The following SP2 variants were observed in gnomAD, a reference collection of about 807,000 sequenced individuals.
SP2 encodes transcription factor Sp2.
Under a neutral mutation model 50.1 loss-of-function variants are expected in SP2, and 9 were observed. That is an observed-to-expected ratio of 0.18 (90% CI 0.11 to 0.31). SP2 has a LOEUF of 0.31. Among genes scored for constraint, SP2 ranks in the 10% least tolerant of loss-of-function variants. SP2 has a pLI of 1.00. For synonymous variants in SP2, 313 were observed against 326.6 expected (o/e 0.96, Z 0.45); for missense variants, 581 against 806.5 (o/e 0.72, Z 3.39).
At position 47,915,333 on chromosome 17, in the gene SP2, C is replaced by T. The variant is rs1210278551; in HGVS notation, c.29C>T (p.Ala10Val). Residue 10 changes from alanine to valine, a missense_variant, in exon 2 of 7, where the codon GCC becomes GTC. Physicochemically the swap from Ala to Val is moderately conservative, Grantham distance 64. Transcript: ENST00000376741. Reference protein sequence around the residue: MSDPQTSMAATAAVSPSDYL... With the variant: MSDPQTSMAVTAAVSPSDYL... The stretch of plus-strand genomic sequence containing the variant: ...ACAGATCCACAGACCAGCATGGCTG[C>T]CACTGCTGCTGTGAGTCCCAGTGAC... 4 of 1,612,382 alleles carry T rather than the reference C, an allele frequency of 2.5e-6. No homozygotes were observed. The highest frequency in any genetic ancestry group is 3.4e-6 in the Non-Finnish European group (4 of 1,179,064).
chr17:47,922,967 C>T lies in SP2; in HGVS notation c.1065C>T (p.Tyr355=). 6.2e-6 allele frequency: 10 copies of T among 1,610,844 alleles called. No individual in the cohort carries two copies. The highest frequency in any genetic ancestry group is 8.5e-6 in the Non-Finnish European group (10 of 1,177,364). Residue 355 remains tyrosine (Y), a synonymous_variant, in exon 4 of 7, where the codon TAC becomes TAT. Coordinates refer to ENST00000376741, the MANE Select transcript of SP2 (RefSeq NM_003110.6). ...QAAEPTPTQV[Y]IRTPSGEVQT... is the part of the protein sequence containing the mutation. The stretch of plus-strand genomic sequence containing the variant: ...TTTTCTCTGGCCCCTCCCAGGTCTA[C>T]ATCCGCACGCCTTCCGGTGAGGTGC...
At position 47,915,350 on chromosome 17, in the gene SP2, C is replaced by T. The variant is rs987915417; in HGVS notation, c.46C>T (p.Pro16Ser). Reference sequence around the variant, plus strand: ...CATGGCTGCCACTGCTGCTGTGAGTCCCAGTGACTACCTGCAGCCTGCCGC... The same window carrying T: ...CATGGCTGCCACTGCTGCTGTGAGTTCCAGTGACTACCTGCAGCCTGCCGC... ...TSMAATAAVS[P>S]SDYLQPAAST... The change falls in exon 2 of 7, where the codon CCC becomes TCC. Residue 16 changes from proline to serine, a missense_variant. By Grantham distance (74) the Pro-to-Ser change is moderately conservative. Around this residue, in one of 2 missense-constraint regions of SP2, gnomAD observed 397 missense variants for 491.0 expected, o/e 0.81. Coordinates refer to ENST00000376741, the MANE Select transcript of SP2 (RefSeq NM_003110.6). 78 of 1,613,278 alleles carry T rather than the reference C, an allele frequency of 4.8e-5. No individual in the cohort carries two copies. Among genetic ancestry groups the T allele is most frequent in the Non-Finnish European group, 6.5e-5 (77 of 1,179,614 alleles).
chr17:47,900,562 AG>A, intron 1 of SP2, among the ~76,000 whole-genome samples: 2 of 152,214 alleles, frequency 1.3e-5, no homozygotes, highest in African/African-American at 4.8e-5. Flanking sequence ...AGATCACTTA[AG>A]GTCAGGAGTT....
rs372732502 is a variant in SP2 at position 47,916,749 on chromosome 17, G to T, written c.678G>T (p.Gly226=). ...ACCTTGTGAACGCCAGTGACACCGG[G>T]GCCCCTACTCAGCTCCTCACTGAAA... is the stretch of plus-strand genomic sequence containing the variant. The part of the protein sequence containing the change: ...VNNLVNASDT[G]APTQLLTESP... Residue 226 remains glycine (G), a synonymous_variant, in exon 3 of 7, where the codon GGG becomes GGT. Transcript: ENST00000376741. The surrounding 1 kb of genome is among the most constrained non-coding windows in gnomAD (Gnocchi z 4.7). 1 of 1,613,120 alleles carries T rather than the reference G, an allele frequency of 6.2e-7. No homozygotes were observed. Among genetic ancestry groups the T allele is most frequent in the Non-Finnish European group, 8.5e-7 (1 of 1,179,378 alleles).
chr17:47,916,264 C>A lies in SP2; in HGVS notation c.193C>A (p.Arg65=). ...TPPAPPQPTP[R]KLVPIKPAPL... is the part of the protein sequence containing the mutation. ...TCCTGCTCCCCCACAGCCCACACCG[C>A]GGAAACTTGTCCCTATCAAACCTGC... Residue 65 remains arginine, a synonymous_variant, in exon 3 of 7, where the codon CGG becomes AGG. Transcript: ENST00000376741. This position sits in a 1 kb window ranked among gnomAD's most constrained non-coding sequence, Gnocchi z 4.7. 1 of 1,614,100 alleles carries A rather than the reference C, an allele frequency of 6.2e-7. No homozygotes were observed. Among genetic ancestry groups the A allele is most frequent in the Non-Finnish European group, 8.5e-7 (1 of 1,180,030 alleles).
At chr17:47,931,616 GGTTGCCCCTTAAA>G (rs2035820652), downstream of SP2, among the ~76,000 whole-genome samples, 1 of 152,178 alleles carries the variant, frequency 6.6e-6, no homozygotes, top group South Asian at 2.1e-4. Context: ...GCCCCTTTAA[GGTTGCCCCTTAAA>G]GTTGCCACAC....
Position 47,928,957 on chromosome 17 carries a change from A to G in SP2, c.*1133A>G, listed in dbSNP as rs2144118955. On this transcript the variant is annotated 3_prime_UTR_variant, in exon 7 of 7. Coordinates refer to ENST00000376741, the MANE Select transcript of SP2 (RefSeq NM_003110.6). ...TTAGTTGCCTGAGGCAAAATCTTCA[A>G]CTTGGCAGTTCGGCTTCCTTTGTCT... The G allele has an allele frequency of 6.5e-6, 1 of 152,772 alleles. No homozygotes were observed. The highest frequency in any genetic ancestry group is 1.5e-5 in the Non-Finnish European group (1 of 68,036). The allele number at this position is 152,772 out of a possible 1,614,324, so 9.5% of individuals were successfully genotyped here. A position where few individuals can be genotyped will look rare whatever the true frequency, so the allele number is the denominator to read the frequency against.
chr17:47,900,013 A>G (rs1402294327), intron 1 of SP2: 1 of 152,256 alleles, frequency 6.6e-6, no homozygotes, highest in East Asian at 1.9e-4. Context: ...ATTGCTTGCT[A>G]TACTTAGCCA....
intron 3 of SP2, among the ~76,000 whole-genome samples, chr17:47,922,220 C>G (rs1214222011): frequency 6.6e-6 from 1 of 152,176 alleles, no homozygotes; most frequent in Non-Finnish European, 1.5e-5. Flanking sequence ...ACACCCTCCT[C>G]AGCCTGCCAC....
chr17:47,901,182 T>C (rs1273703391), intron 1 of SP2, among the ~76,000 whole-genome samples: 4 of 151,054 alleles, frequency 2.6e-5, no homozygotes, highest in African/African-American at 9.8e-5. Context: ...GGAGTCTCGC[T>C]CTGTCACCAG....
intron 1 of SP2, among the ~76,000 whole-genome samples, chr17:47,906,566 CT>C (rs2034769794): frequency 2.0e-5 from 3 of 152,310 alleles, no homozygotes; most frequent in Non-Finnish European, 4.4e-5. Context: ...CATAATGGCT[CT>C]TAAATTATGC....
In SP2 at chr17:47,917,085, C is replaced by T. The variant is rs752125173; in HGVS notation, c.1014C>T (p.Pro338=). 4 of 1,613,232 alleles carry T rather than the reference C, an allele frequency of 2.5e-6. No homozygotes were observed. The highest frequency in any genetic ancestry group is 2.5e-6 in the Non-Finnish European group (3 of 1,179,756). Residue 338 remains proline (P), a synonymous_variant, in exon 3 of 7, where the codon CCC becomes CCT. Coordinates refer to ENST00000376741, the MANE Select transcript of SP2 (RefSeq NM_003110.6). ...CCCTCCCCACTGTACCCCAGAAGCC[C>T]TCCCAGAACTTTCAGATCCAGGCAG... ...SATLPTVPQK[P]SQNFQIQAAE... is the part of the protein sequence containing the mutation.
chr17:47,916,903 A>G lies in SP2; in HGVS notation c.832A>G (p.Ile278Val). 1.2e-6 allele frequency: 2 copies of G among 1,614,216 alleles called. No individual in the cohort carries two copies. The highest frequency in any genetic ancestry group is 2.2e-5 in the East Asian group (1 of 44,886). ...GATCGAGACCACCGCGGACAACATC[A>G]TCCAGGCAGGAAATAACCTGCTCAT... ...VLIETTADNIIQAGNNLLIVQ... is the reference protein window; with the variant it reads ...VLIETTADNIVQAGNNLLIVQ... Residue 278 changes from isoleucine to valine, a missense_variant, in exon 3 of 7, where the codon ATC becomes GTC. Ile to Val is a conservative substitution (Grantham distance 29). Coordinates refer to ENST00000376741, the MANE Select transcript of SP2 (RefSeq NM_003110.6). This position sits in a 1 kb window ranked among gnomAD's most constrained non-coding sequence, Gnocchi z 4.7.
rs2035152741 is a variant in SP2, at chr17:47,915,357, A to T, written c.53A>T (p.Asp18Val). The change falls in exon 2 of 7, where the codon GAC (aspartate) becomes GTC (valine). Residue 18 changes from aspartate to valine, a missense_variant. Asp to Val is a radical substitution (Grantham distance 152). Transcript: ENST00000376741. ...GCCACTGCTGCTGTGAGTCCCAGTG[A>T]CTACCTGCAGCCTGCCGCCTCCACC... is the stretch of plus-strand genomic sequence containing the variant. ...MAATAAVSPS[D>V]YLQPAASTTQ... The T allele has an allele frequency of 6.2e-7, 1 of 1,613,386 alleles. No individual in the cohort carries two copies. Among genetic ancestry groups the T allele is most frequent in the Non-Finnish European group, 8.5e-7 (1 of 1,179,728 alleles).
At chr17:47,912,067 T>C (rs1349581547) in intron 1 of SP2, among the ~76,000 whole-genome samples, 1 of 152,188 alleles carries the variant, frequency 6.6e-6, no homozygotes, top group African/African-American at 2.4e-5. Context: ...AAATACCTGG[T>C]GTATACCATG....
intron 3 of SP2, among the ~76,000 whole-genome samples, chr17:47,921,398 G>A (rs552232672): frequency 3.9e-5 from 6 of 152,092 alleles, no homozygotes; most frequent in East Asian, 1.9e-4. Flanking sequence ...ACAGGCGTGC[G>A]CCATCCCTCC....
At chr17:47,917,726 C>A in intron 3 of SP2, 1 of 420,694 alleles carries the variant, frequency 2.4e-6, no homozygotes, top group Non-Finnish European at 4.8e-6. Flanking sequence ...GCAATCCTCC[C>A]ACCTCAGCCT....
At position 47,928,204 on chromosome 17, in the gene SP2, G is replaced by A. The variant is rs973074296; in HGVS notation, c.*380G>A. The A allele has an allele frequency of 2.6e-4, 47 of 178,098 alleles. No homozygotes were observed. The highest frequency in any genetic ancestry group is 4.9e-4 in the Non-Finnish European group (40 of 81,990). 11.0% of individuals were successfully genotyped at this position (178,098 alleles called of 1,614,324 possible). A position where few individuals can be genotyped will look rare whatever the true frequency, so the allele number is the denominator to read the frequency against. On this transcript the variant is annotated 3_prime_UTR_variant, in exon 7 of 7. Coordinates refer to ENST00000376741, the MANE Select transcript of SP2 (RefSeq NM_003110.6). ...CCCCGCTCCCAACACTGCCGGAGTCGCGTCATGCCATGCCCCCTCTCCTGC... is the reference window on the plus strand; with the variant it reads ...CCCCGCTCCCAACACTGCCGGAGTCACGTCATGCCATGCCCCCTCTCCTGC...
Position 47,916,332 on chromosome 17 carries a change from G to A in SP2, c.261G>A (p.Leu87=). ...CCGGCAAGAATAGCTTTGGAATCTT[G>A]TCCTCCAAAGGAAATATACTTCAGA... is the stretch of plus-strand genomic sequence containing the variant. The part of the protein sequence containing the change: ...LSPGKNSFGI[L]SSKGNILQIQ... The change falls in exon 3 of 7, where the codon TTG becomes TTA. Residue 87 remains leucine (L), a synonymous_variant. Transcript: ENST00000376741. This position sits in a 1 kb window ranked among gnomAD's most constrained non-coding sequence, Gnocchi z 4.7. 6.2e-7 allele frequency: 1 copy of A among 1,614,046 alleles called. No individual in the cohort carries two copies. Among genetic ancestry groups the A allele is most frequent in the Non-Finnish European group, 8.5e-7 (1 of 1,180,016 alleles).
Sources: allele counts gnomAD v4.1 joint callset (sites outside exome capture counted in the v4.1 genomes callset), GRCh38; gene constraint gnomAD v4.1.1; regional missense constraint gnomAD v4.1.1; non-coding constraint Gnocchi (gnomAD v3.1); transcripts MANE v1.5; gene names NCBI Gene and HGNC (gene_info 2026-07-23, HGNC 2026-07-21).